GSDME: variants seen among roughly 807,000 people sequenced by gnomAD.
The protein encoded by GSDME is gasdermin E, also known as gasdermin-E.
In GSDME, 44 loss-of-function variants were observed where a neutral mutation model predicts 47.5. The ratio of observed to expected loss-of-function variants is 0.93; its 90% CI spans 0.73 to 1.19. The LOEUF (loss-of-function observed/expected upper bound fraction) is 1.19, where lower values mean the gene tolerates loss of function less well. Ranked by LOEUF, GSDME falls within the 50% of genes most tolerant of loss-of-function variation. The probability of loss-of-function intolerance (pLI) is 0.00; values close to 1 mark genes in which losing one functional copy is unlikely to be tolerated. For missense variants in GSDME, 663 were observed against 604.2 expected (o/e 1.10, Z -1.02); for synonymous variants, 258 against 252.8 (o/e 1.02, Z -0.20).
At position 24,719,098 on chromosome 7, in the gene GSDME, C is replaced by T; in HGVS notation, c.525G>A (p.Gln175=). The T allele has an allele frequency of 6.2e-7, 1 of 1,613,746 alleles. No homozygotes were observed. The highest frequency in any genetic ancestry group is 8.5e-7 in the Non-Finnish European group (1 of 1,180,036). The change falls in exon 4 of 10, where the codon CAG becomes CAA. Residue 175 remains glutamine (Q), a synonymous_variant. Coordinates refer to ENST00000645220, the MANE Select transcript of GSDME (RefSeq NM_001127453.2). Reference sequence around the variant, plus strand: ...CGATGCCACCACACTTCTCCTCGACCTGCATGTGCTCAGAGATCACACACT... The same window carrying T: ...CGATGCCACCACACTTCTCCTCGACTTGCATGTGCTCAGAGATCACACACT... ...MQKCVISEHM[Q]VEEKCGGIVG...
At chr7:24,766,508 G>A in the GSDME span, among the ~76,000 whole-genome samples, 1 of 151,982 alleles carries the variant, frequency 6.6e-6, no homozygotes, top group African/African-American at 2.4e-5. This position sits in a 1 kb window ranked among gnomAD's most constrained non-coding sequence, Gnocchi z 4.2. Flanking sequence ...CTGTGTCCAT[G>A]TGTTCTCATT....
rs539289838 is a variant in GSDME, at chr7:24,742,447, C to T, written c.404+2115G>A. On this transcript the variant is annotated intron_variant, in intron 3 of 9. Transcript: ENST00000645220. The surrounding 1 kb of genome is among the most constrained non-coding windows in gnomAD (Gnocchi z 4.4). ...TGCCTGGCACACAGTAGGTGCTCTG[C>T]GGATGCTCCTTTCCTTTCCCTCCCC... Among the ~76,000 whole-genome samples the T allele has an allele frequency of 2.6e-5, 4 of 152,268 alleles. No individual in the cohort carries two copies. The South Asian group carries it at 6.2e-4, about 24-fold the overall frequency.
At chr7:24,768,867 G>A in the GSDME span, among the ~76,000 whole-genome samples, 1 of 152,164 alleles carries the variant, frequency 6.6e-6, no homozygotes, top group African/African-American at 2.4e-5. The surrounding 1 kb of genome is among the most constrained non-coding windows in gnomAD (Gnocchi z 5.6). Context: ...TTAAGTGAAT[G>A]AGTGAAGATA....
intron 5 of GSDME, among the ~76,000 whole-genome samples, chr7:24,715,883 G>T (rs1053492011): frequency 6.6e-6 from 1 of 152,142 alleles, no homozygotes; most frequent in East Asian, 1.9e-4. Context: ...TAAAATGCAG[G>T]CTTCTTCATT....
At chr7:24,795,253 C>G in the GSDME span, among the ~76,000 whole-genome samples, 1 of 152,320 alleles carries the variant, frequency 6.6e-6, no homozygotes, top group East Asian at 1.9e-4. Flanking sequence ...CGGCAGGAGT[C>G]CCCCGCAGGG....
chr7:24,710,653 C>G, intron 5 of GSDME: 1 of 461,820 alleles, frequency 2.2e-6, no homozygotes, highest in South Asian at 2.8e-5. Context: ...TGGACACAAT[C>G]TTTAAAACAT....
At position 24,732,020 on chromosome 7, in the gene GSDME, C is replaced by T. The variant is rs1436844513; in HGVS notation, c.404+12542G>A. On this transcript the variant is annotated intron_variant, in intron 3 of 9. Coordinates refer to ENST00000645220, the MANE Select transcript of GSDME (RefSeq NM_001127453.2). The surrounding 1 kb of genome is among the most constrained non-coding windows in gnomAD (Gnocchi z 4.8). The stretch of plus-strand genomic sequence containing the variant: ...AGAGGTACTGCCAGCCCCTCCCATC[C>T]CAGACCTTGGGATGCCCCGGTTTAT... Among the ~76,000 whole-genome samples the T allele has an allele frequency of 6.6e-6, 1 of 152,174 alleles. No homozygotes were observed. Among genetic ancestry groups the T allele is most frequent in the Non-Finnish European group, 1.5e-5 (1 of 68,030 alleles).
chr7:24,752,557 G>C (rs1405774435), intron 1 of GSDME, among the ~76,000 whole-genome samples: 1 of 152,166 alleles, frequency 6.6e-6, no homozygotes, highest in Non-Finnish European at 1.5e-5. Flanking sequence ...AAGAAAGAAG[G>C]CTCCCTGGGG....
In GSDME at chr7:24,706,166, ATTTTC is replaced by A; in HGVS notation, c.1183+13_1183+17del. 1.2e-6 allele frequency: 2 copies of A among 1,614,034 alleles called. No homozygotes were observed. Among genetic ancestry groups the A allele is most frequent in the South Asian group, 1.1e-5 (1 of 91,082 alleles). Reference sequence around the variant, plus strand: ...TAAAGCAGCAGCAGCCATTTCTTTCATTTTCTTTTCTCCTTACCTGCGAGGGCACT... The same window carrying A: ...TAAAGCAGCAGCAGCCATTTCTTTCATTTTCTCCTTACCTGCGAGGGCACT... On this transcript the variant is annotated intron_variant, in intron 8 of 9. Transcript: ENST00000645220.
rs1789909033 is a variant in GSDME at position 24,724,686 on chromosome 7, CTGGCAGGTCG to C, written c.405-5478_405-5469del. 6.6e-6 allele frequency: 1 copy of C among 152,262 alleles called. No homozygotes were observed. Among genetic ancestry groups the C allele is most frequent in the African/African-American group, 2.4e-5 (1 of 41,458 alleles). 9.4% of individuals were successfully genotyped at this position (152,262 alleles called of 1,614,324 possible). A position where few individuals can be genotyped will look rare whatever the true frequency, so the allele number is the denominator to read the frequency against. ...TGTGAGGTTGCCCTTCTGCGCGTACCTGGCAGGTCGATATAACACAAAGACCTGGAGTCAT... is the reference window on the plus strand; with the variant it reads ...TGTGAGGTTGCCCTTCTGCGCGTACCATATAACACAAAGACCTGGAGTCAT... On this transcript the variant is annotated intron_variant, in intron 3 of 9. Transcript: ENST00000645220. The surrounding 1 kb of genome is among the most constrained non-coding windows in gnomAD (Gnocchi z 4.8).
intron 5 of GSDME, chr7:24,710,654 T>G (rs1033342247): frequency 6.6e-6 from 3 of 455,870 alleles, no homozygotes; most frequent in African/African-American, 5.9e-5. Context: ...GGACACAATC[T>G]TTAAAACATT....
At chr7:24,760,381 C>A (rs1315375854), upstream of GSDME, among the ~76,000 whole-genome samples, 1 of 151,920 alleles carries the variant, frequency 6.6e-6, no homozygotes. The surrounding 1 kb of genome is among the most constrained non-coding windows in gnomAD (Gnocchi z 4.2). Flanking sequence ...AGATTAATAA[C>A]CTCTGCAAAG....
the GSDME span, among the ~76,000 whole-genome samples, chr7:24,767,539 G>T: frequency 6.6e-6 from 1 of 151,742 alleles, no homozygotes; most frequent in Non-Finnish European, 1.5e-5. This position sits in a 1 kb window ranked among gnomAD's most constrained non-coding sequence, Gnocchi z 5.3. Context: ...AATTCTAGAA[G>T]TCTGTTTTTC....
the GSDME span, among the ~76,000 whole-genome samples, chr7:24,793,023 T>A: frequency 2.0e-5 from 3 of 152,200 alleles, no homozygotes; most frequent in African/African-American, 7.2e-5. Context: ...ACTGAGAAAT[T>A]TCCTTTTGCA....
chr7:24,700,604 C>T (rs1788824995), intron 9 of GSDME, among the ~76,000 whole-genome samples: 1 of 152,188 alleles, frequency 6.6e-6, no homozygotes, highest in Non-Finnish European at 1.5e-5. Context: ...GTAGCACTCA[C>T]TGGAATGTAA....
upstream of GSDME, among the ~76,000 whole-genome samples, chr7:24,762,792 A>G (rs1424141241): frequency 7.9e-6 from 1 of 126,228 alleles, no homozygotes; most frequent in African/African-American, 3.0e-5. Context: ...ATACAATAGT[A>G]GCTTATTTCC....
intron 3 of GSDME, among the ~76,000 whole-genome samples, chr7:24,738,729 A>G (rs1790389474): frequency 6.6e-6 from 1 of 152,234 alleles, no homozygotes; most frequent in African/African-American, 2.4e-5. Context: ...TGACTTTCAA[A>G]TTATACTGCA....
chr7:24,715,461 G>T, intron 5 of GSDME: 2 of 470,908 alleles, frequency 4.2e-6, no homozygotes, highest in Non-Finnish European at 4.4e-6. Flanking sequence ...TGTACATCTT[G>T]AACATACAGT....
intron 5 of GSDME, among the ~76,000 whole-genome samples, chr7:24,713,900 G>A (rs1257778272): frequency 1.3e-5 from 2 of 152,170 alleles, no homozygotes; most frequent in Admixed American, 6.5e-5. Context: ...AGGTTGCAGT[G>A]AGCTATGATC....
Sources: gnomAD v4.1 joint callset for allele counts (sites outside exome capture counted in the v4.1 genomes callset) on GRCh38, gnomAD v4.1.1 for gene constraint, Gnocchi (gnomAD v3.1) non-coding constraint, MANE v1.5 for transcripts, NCBI Gene and HGNC (gene_info 2026-07-23, HGNC 2026-07-21) for gene names.